Variants in AVPI1 observed in about 807,000 individuals in gnomAD.
AVPI1 encodes the protein arginine vasopressin-induced protein 1.
Under a neutral mutation model 11.9 loss-of-function variants are expected in AVPI1, and 9 were observed. The ratio of observed to expected loss-of-function variants is 0.76; its 90% CI spans 0.46 to 1.32. The LOEUF (loss-of-function observed/expected upper bound fraction) is 1.32, where lower values mean the gene tolerates loss of function less well. Ranked by LOEUF, AVPI1 falls within the 40% of genes most tolerant of loss-of-function variation. The probability of loss-of-function intolerance (pLI) is 0.00; values close to 1 mark genes in which losing one functional copy is unlikely to be tolerated. For missense variants in AVPI1, 207 were observed against 195.8 expected (o/e 1.06, Z -0.34); for synonymous variants, 68 against 78.1 (o/e 0.87, Z 0.68).
At chr10:97,682,451 C>G (rs2041709677) in intron 1 of AVPI1, among the ~76,000 whole-genome samples, 1 of 152,158 alleles carries the variant, frequency 6.6e-6, no homozygotes, top group South Asian at 2.1e-4. Context: ...ACATGCTCAT[C>G]ATAAGAGGCA....
chr10:97,680,597 TC>T (rs1454956012), intron 1 of AVPI1, among the ~76,000 whole-genome samples: 2 of 152,180 alleles, frequency 1.3e-5, no homozygotes, highest in African/African-American at 4.8e-5. Flanking sequence ...CTCAGCTGCC[TC>T]CCGTGTCAAA....
chr10:97,681,676 G>A (rs2041704587), intron 1 of AVPI1, among the ~76,000 whole-genome samples: 1 of 149,892 alleles, frequency 6.7e-6, no homozygotes, highest in Admixed American at 6.7e-5. Context: ...AGGAGATAGA[G>A]ACCATCCTGG....
chr10:97,678,142 G>C, intron 2 of AVPI1, 117 bp from the exon 3 acceptor site: 1 of 1,137,118 alleles, frequency 8.8e-7, no homozygotes, highest in Non-Finnish European at 1.2e-6. Context: ...ATGAGAGCGG[G>C]GCTCTGCTCT....
rs1564780270 is a variant in AVPI1 at position 97,679,704 on chromosome 10, CCA to C, written c.200_201del (p.Val67GlyfsTer2). ...CTGCGCAGCCTCTTGAGGGCCTCAG[CCA>C]CACGGTGGTCCCCTGCACATTCCCA... ...IIWECAGDHRVAEALKRLRRK... is the reference protein window; with the variant it reads ...IIWECAGDHRXAEALKRLRRK... On this transcript the variant is annotated frameshift_variant, in exon 2 of 3. Coordinates refer to ENST00000370626, the MANE Select transcript of AVPI1 (RefSeq NM_021732.3). LOFTEE classifies it high-confidence loss of function. 2 of 1,614,188 alleles carry C rather than the reference CCA, an allele frequency of 1.2e-6. No homozygotes were observed. Among genetic ancestry groups the C allele is most frequent in the South Asian group, 2.2e-5 (2 of 91,074 alleles).
intron 1 of AVPI1, among the ~76,000 whole-genome samples, chr10:97,685,186 A>T (rs1376347649): frequency 6.6e-6 from 1 of 152,252 alleles, no homozygotes; most frequent in Non-Finnish European, 1.5e-5. Context: ...ATTGCAAAAT[A>T]CTTCAATTTG....
At chr10:97,685,109 A>G (rs1341169702) in intron 1 of AVPI1, among the ~76,000 whole-genome samples, 1 of 152,204 alleles carries the variant, frequency 6.6e-6, no homozygotes, top group African/African-American at 2.4e-5. Context: ...TTACAAATGG[A>G]CCTTTCATTT....
Position 97,677,841 on chromosome 10 carries a change from C to G in AVPI1, c.*28G>C. ...CCAGGCCTTTTGGCAAGAGGGAAGACACTGCCATTCCTGGCTCTTTCCCTG... is the reference window on the plus strand; with the variant it reads ...CCAGGCCTTTTGGCAAGAGGGAAGAGACTGCCATTCCTGGCTCTTTCCCTG... On this transcript the variant is annotated 3_prime_UTR_variant, in exon 3 of 3. Coordinates refer to ENST00000370626, the MANE Select transcript of AVPI1 (RefSeq NM_021732.3). 1 of 1,611,608 alleles carries G rather than the reference C, an allele frequency of 6.2e-7. No individual in the cohort carries two copies. The highest frequency in any genetic ancestry group is 8.5e-7 in the Non-Finnish European group (1 of 1,178,306).
At chr10:97,678,835 A>ATG (rs935388492) in intron 2 of AVPI1, among the ~76,000 whole-genome samples, 3 of 147,726 alleles carry the variant, frequency 2.0e-5, no homozygotes, top group African/African-American at 7.5e-5. Context: ...CCGCAGGTGC[A>ATG]TGCCACCATG....
At chr10:97,683,717 A>G (rs2041715672) in intron 1 of AVPI1, among the ~76,000 whole-genome samples, 2 of 152,242 alleles carry the variant, frequency 1.3e-5, no homozygotes, top group African/African-American at 4.8e-5. Context: ...CTAAAGAGGA[A>G]GAGCCCAGCT....
At chr10:97,679,570 G>C in intron 2 of AVPI1, 49 bp downstream of exon 2, 1 of 1,542,810 alleles carries the variant, frequency 6.5e-7, no homozygotes, top group South Asian at 1.2e-5. Context: ...TGCAGTGGTG[G>C]AACAGGCATT....
Position 97,678,955 on chromosome 10 carries a change from G to C in AVPI1, c.287+664C>G, listed in dbSNP as rs1564779924. 1.1e-3 allele frequency among the ~76,000 whole-genome samples: 63 copies of C among 57,642 alleles called. 6 individuals carry two copies. The highest frequency in any genetic ancestry group is 8.4e-3 in the East Asian group (19 of 2,272). The allele number at this position is 57,642 out of a possible 152,430, so 37.8% of individuals were successfully genotyped here. A position where few individuals can be genotyped will look rare whatever the true frequency, so the allele number is the denominator to read the frequency against. ...TGTGTGTGTGTGTGTGTGTGTGTGTGTGTGTGTGTGTGTGTGTGTGTGTGT... is the reference window on the plus strand; with the variant it reads ...TGTGTGTGTGTGTGTGTGTGTGTGTCTGTGTGTGTGTGTGTGTGTGTGTGT... On this transcript the variant is annotated intron_variant, in intron 2 of 2. Transcript: ENST00000370626.
Position 97,679,717 on chromosome 10 carries a change from C to T in AVPI1, c.189G>A (p.Gly63=), listed in dbSNP as rs536657317. ...TGAGGGCCTCAGCCACACGGTGGTCCCCTGCACATTCCCAGATGATCTGTG... is the reference window on the plus strand; with the variant it reads ...TGAGGGCCTCAGCCACACGGTGGTCTCCTGCACATTCCCAGATGATCTGTG... ...ERAQIIWECA[G]DHRVAEALKR... is the part of the protein sequence containing the mutation. The change falls in exon 2 of 3, where the codon GGG becomes GGA. Residue 63 remains glycine, a synonymous_variant. Coordinates refer to ENST00000370626, the MANE Select transcript of AVPI1 (RefSeq NM_021732.3). The T allele has an allele frequency of 6.2e-7, 1 of 1,614,134 alleles. No homozygotes were observed. Among genetic ancestry groups the T allele is most frequent in the South Asian group, 1.1e-5 (1 of 91,072 alleles).
In AVPI1 at chr10:97,677,727, T is replaced by C. The variant is rs1335345273; in HGVS notation, c.*142A>G. 26 of 953,444 alleles carry C rather than the reference T, an allele frequency of 2.7e-5. No individual in the cohort carries two copies. In the East Asian group the frequency reaches 6.5e-4, roughly 24 times the overall value. The allele number at this position is 953,444 out of a possible 1,614,324, so 59.1% of individuals were successfully genotyped here. Reference sequence around the variant, plus strand: ...AGCTCAACAGAAGCATCCAGTCTTGTTCTGAATGGAGCAGGTCAGTGGCAG... The same window carrying C: ...AGCTCAACAGAAGCATCCAGTCTTGCTCTGAATGGAGCAGGTCAGTGGCAG... On this transcript the variant is annotated 3_prime_UTR_variant, in exon 3 of 3. Transcript: ENST00000370626.
chr10:97,678,683 T>TTA (rs1419643040), intron 2 of AVPI1, among the ~76,000 whole-genome samples: 1 of 89,286 alleles, frequency 1.1e-5, no homozygotes, highest in Admixed American at 9.2e-5. Flanking sequence ...TTAATTAGGC[T>TTA]TAAAAAAAAA....
rs2151930 is a variant in AVPI1 at position 97,679,931 on chromosome 10, A to G, written c.-10-16T>C. 360,719 of 1,528,308 alleles carry G rather than the reference A, an allele frequency of 0.24. 46,447 individuals carry two copies. Among genetic ancestry groups the G allele is most frequent in the African/African-American group, 0.52 (38,234 of 73,694 alleles). 94.7% of individuals were successfully genotyped at this position (1,528,308 alleles called of 1,614,324 possible). A position where few individuals can be genotyped will look rare whatever the true frequency, so the allele number is the denominator to read the frequency against. ...TGTGGATGCTCTGAGGATGCAAAGC[A>G]TGGAGACATCATCAACTCAGCTGGT... On this transcript the variant is annotated splice_polypyrimidine_tract_variant and intron_variant, in intron 1 of 2. Transcript: ENST00000370626.
In AVPI1 at chr10:97,677,625, T is replaced by C. The variant is rs2041672187; in HGVS notation, c.*244A>G. ...ATATCATGCAGCCCAGGAATAGTGTTAGACTGGGAAGGACTGTGGCAGGAA... is the reference window on the plus strand; with the variant it reads ...ATATCATGCAGCCCAGGAATAGTGTCAGACTGGGAAGGACTGTGGCAGGAA... On this transcript the variant is annotated 3_prime_UTR_variant, in exon 3 of 3. Coordinates refer to ENST00000370626, the MANE Select transcript of AVPI1 (RefSeq NM_021732.3). 1 of 485,392 alleles carries C rather than the reference T, an allele frequency of 2.1e-6. No individual in the cohort carries two copies. The highest frequency in any genetic ancestry group is 3.7e-6 in the Non-Finnish European group (1 of 269,236). The allele number at this position is 485,392 out of a possible 1,614,324, so 30.1% of individuals were successfully genotyped here. A position where few individuals can be genotyped will look rare whatever the true frequency, so the allele number is the denominator to read the frequency against.
Position 97,684,662 on chromosome 10 carries a change from A to G in AVPI1, c.-11+2104T>C, listed in dbSNP as rs146443562. ...ATTACAGGTGCCCACCACACGCCCG[A>G]CTAATTTTTGTATTTTTAGTAGAGA... On this transcript the variant is annotated intron_variant, in intron 1 of 2. Transcript: ENST00000370626. Among the ~76,000 whole-genome samples the G allele has an allele frequency of 7.1e-3, 1,083 of 151,894 alleles. 17 individuals carry two copies. Among genetic ancestry groups the G allele is most frequent in the African/African-American group, 0.021 (867 of 41,412 alleles).
chr10:97,684,489 T>G (rs2041719462), intron 1 of AVPI1, among the ~76,000 whole-genome samples: 1 of 129,210 alleles, frequency 7.7e-6, no homozygotes, highest in African/African-American at 2.8e-5. Context: ...CCCCTCACTC[T>G]TTTTACTCTT....
intron 1 of AVPI1, among the ~76,000 whole-genome samples, chr10:97,685,310 A>G (rs972557042): frequency 6.6e-6 from 1 of 152,238 alleles, no homozygotes; most frequent in African/African-American, 2.4e-5. Context: ...CCTAACAAAG[A>G]AATATATTTA....
Sources: allele counts gnomAD v4.1 joint callset (sites outside exome capture counted in the v4.1 genomes callset), GRCh38; gene constraint gnomAD v4.1.1; transcripts MANE v1.5; gene names NCBI Gene and HGNC (gene_info 2026-07-23, HGNC 2026-07-21).